Variants in TAOK3 observed in about 807,000 individuals in gnomAD.
TAOK3 encodes TAO kinase 3.
TAOK3 carries 40 observed loss-of-function variants against 120.4 expected under a neutral mutation model. That is an observed-to-expected ratio of 0.33 (90% CI 0.26 to 0.43). The LOEUF (loss-of-function observed/expected upper bound fraction) is 0.43, where lower values mean the gene tolerates loss of function less well. Among genes scored for constraint, TAOK3 ranks in the 20% least tolerant of loss-of-function variants. TAOK3 has a pLI of 1.00. For missense variants in TAOK3, 821 were observed against 1,112.1 expected (o/e 0.74, Z 3.72); for synonymous variants, 355 against 387.5 (o/e 0.92, Z 0.99).
chr12:118,293,646 C>A (rs559218408), intron 1 of TAOK3, among the ~76,000 whole-genome samples: 2 of 149,458 alleles, frequency 1.3e-5, no homozygotes, highest in Non-Finnish European at 1.5e-5. Context: ...TGCACTCCAG[C>A]CTGGGTGATA....
intron 1 of TAOK3, among the ~76,000 whole-genome samples, chr12:118,343,156 G>A (rs1017635698): frequency 2.0e-5 from 3 of 151,834 alleles, no homozygotes; most frequent in African/African-American, 4.8e-5. Flanking sequence ...GGCCAGGTGC[G>A]GTGGCTCATG....
chr12:118,326,280 ATT>A (rs1159930666), intron 1 of TAOK3, among the ~76,000 whole-genome samples: 1 of 151,976 alleles, frequency 6.6e-6, no homozygotes, highest in Non-Finnish European at 1.5e-5. Context: ...TCTCCAATGT[ATT>A]TTCTTGCCAC....
intron 13 of TAOK3, among the ~76,000 whole-genome samples, chr12:118,191,768 A>G (rs2037444530): frequency 1.3e-5 from 2 of 152,212 alleles, no homozygotes; most frequent in African/African-American, 4.8e-5. Context: ...ACATTACTGC[A>G]TATTTGCTAA....
chr12:118,348,643 G>T lies in TAOK3; in HGVS notation c.-194+24005C>A, dbSNP rs373938616. On this transcript the variant is annotated intron_variant, in intron 1 of 20. Coordinates refer to ENST00000392533, the MANE Select transcript of TAOK3 (RefSeq NM_016281.4). ...TTTTTTGTATTTTTAGTAGAGACAG[G>T]GTTTCACCATGTTAGCCAGAATGGT... is the stretch of plus-strand genomic sequence containing the variant. 2.6e-5 allele frequency among the ~76,000 whole-genome samples: 4 copies of T among 151,834 alleles called. No homozygotes were observed. In the East Asian group the frequency reaches 5.8e-4, roughly 22 times the overall value.
rs781342587 is a variant in TAOK3, at chr12:118,252,723, C to CTT, written c.120+2723_120+2724dup. On this transcript the variant is annotated intron_variant, in intron 3 of 20. Transcript: ENST00000392533. ...AGAAATTAGCACCCTTTTTTCTTTTCTTTTTTTTTTTTTTGAGACAGAGTC... is the reference window on the plus strand; with the variant it reads ...AGAAATTAGCACCCTTTTTTCTTTTCTTTTTTTTTTTTTTTTGAGACAGAGTC... Among the ~76,000 whole-genome samples the CTT allele has an allele frequency of 6.5e-3, 916 of 139,884 alleles. 9 individuals carry two copies. The highest frequency in any genetic ancestry group is 0.022 in the African/African-American group (852 of 38,276). The allele number at this position is 139,884 out of a possible 152,430, so 91.8% of individuals were successfully genotyped here. A position where few individuals can be genotyped will look rare whatever the true frequency, so the allele number is the denominator to read the frequency against.
chr12:118,372,333 A>C lies in TAOK3; in HGVS notation c.-194+315T>G, dbSNP rs2045925062. 2.4e-5 allele frequency among the ~76,000 whole-genome samples: 2 copies of C among 81,832 alleles called. No homozygotes were observed. Among genetic ancestry groups the C allele is most frequent in the Non-Finnish European group, 4.9e-5 (2 of 41,150 alleles). The allele number at this position is 81,832 out of a possible 152,430, so 53.7% of individuals were successfully genotyped here. A position where few individuals can be genotyped will look rare whatever the true frequency, so the allele number is the denominator to read the frequency against. On this transcript the variant is annotated intron_variant, in intron 1 of 20. Coordinates refer to ENST00000392533, the MANE Select transcript of TAOK3 (RefSeq NM_016281.4). This position sits in a 1 kb window ranked among gnomAD's most constrained non-coding sequence, Gnocchi z 4.6. ...CCTCATCCCCCTATCCTAGTGCCTC[A>C]TGAGGCACCCACCCCTCACCCCACT...
chr12:118,353,460 G>A (rs1227222243), intron 1 of TAOK3, among the ~76,000 whole-genome samples: 2 of 152,040 alleles, frequency 1.3e-5, no homozygotes, highest in African/African-American at 4.8e-5. Context: ...TGGATAAATA[G>A]TGTACAGGCA....
At chr12:118,285,762 C>T (rs559589384) in intron 1 of TAOK3, among the ~76,000 whole-genome samples, 2 of 152,190 alleles carry the variant, frequency 1.3e-5, no homozygotes, top group Non-Finnish European at 2.9e-5. Flanking sequence ...TGAGGACGTG[C>T]ACCCATGACA....
chr12:118,216,099 G>A (rs566252695), intron 9 of TAOK3, among the ~76,000 whole-genome samples: 2 of 152,250 alleles, frequency 1.3e-5, no homozygotes, highest in Admixed American at 1.3e-4. Context: ...TTGGGAGGTT[G>A]AGGCAGAAGA....
intron 16 of TAOK3, among the ~76,000 whole-genome samples, 170 bp from the exon 17 acceptor site, chr12:118,172,830 T>C (rs1372601504): frequency 6.7e-6 from 1 of 148,360 alleles, no homozygotes; most frequent in Non-Finnish European, 1.5e-5. Context: ...ATTAATTGAG[T>C]ATTAAGTGAG....
At chr12:118,164,214 C>A (rs2035425168) in intron 17 of TAOK3, among the ~76,000 whole-genome samples, 1 of 150,996 alleles carries the variant, frequency 6.6e-6, no homozygotes, top group African/African-American at 2.4e-5. Flanking sequence ...GTAGTCCCAG[C>A]TACTCGGAAG....
In TAOK3 at chr12:118,243,467, T is replaced by C; in HGVS notation, c.242A>G (p.His81Arg). The C allele has an allele frequency of 6.5e-7, 1 of 1,543,008 alleles. No homozygotes were observed. Among genetic ancestry groups the C allele is most frequent in the Non-Finnish European group, 8.7e-7 (1 of 1,153,830 alleles). The change falls in exon 5 of 21, where the codon CAT (histidine) becomes CGT (arginine). Residue 81 changes from histidine (H) to arginine (R), a missense_variant. Physicochemically the swap from His to Arg is conservative, Grantham distance 29 (BLOSUM62 0). Around this residue, in one of 2 missense-constraint regions of TAOK3, gnomAD observed 467 missense variants for 540.0 expected, o/e 0.86. Transcript: ENST00000392533. ...KEVKFLRQLK[H>R]PNTIEYKGCY... The stretch of plus-strand genomic sequence containing the variant: ...GCCTTTGTACTCAATAGTATTAGGA[T>C]GCTTCAATTGTCGTAAAAATTTAAC...
At chr12:118,231,261 G>A (rs901283957) in intron 9 of TAOK3, among the ~76,000 whole-genome samples, 3 of 151,924 alleles carry the variant, frequency 2.0e-5, no homozygotes, top group African/African-American at 7.3e-5. Context: ...TAGGGCAGGG[G>A]TGGAAGAAGA....
chr12:118,331,407 G>A (rs1391024131), intron 1 of TAOK3, among the ~76,000 whole-genome samples: 1 of 152,112 alleles, frequency 6.6e-6, no homozygotes, highest in Non-Finnish European at 1.5e-5. Context: ...CACTTTGGGA[G>A]GCCGAGGTAG....
chr12:118,305,097 T>G (rs2043002307), intron 1 of TAOK3, among the ~76,000 whole-genome samples: 1 of 152,288 alleles, frequency 6.6e-6, no homozygotes, highest in Admixed American at 6.5e-5. Context: ...ATAATAAATA[T>G]ATCGAGCACA....
intron 1 of TAOK3, among the ~76,000 whole-genome samples, chr12:118,318,330 G>T (rs1444106661): frequency 6.6e-6 from 1 of 151,804 alleles, no homozygotes; most frequent in South Asian, 2.1e-4. Flanking sequence ...GCTAATTTTT[G>T]TATTTTTAGT....
chr12:118,316,201 C>T (rs559992285), intron 1 of TAOK3, among the ~76,000 whole-genome samples: 1 of 152,136 alleles, frequency 6.6e-6, no homozygotes, highest in Non-Finnish European at 1.5e-5. Context: ...GAAAAGGAAT[C>T]TAAAAAATGG....
At chr12:118,215,068 A>G (rs995587631) in intron 9 of TAOK3, among the ~76,000 whole-genome samples, 6 of 150,136 alleles carry the variant, frequency 4.0e-5, no homozygotes, top group Non-Finnish European at 8.9e-5. Context: ...TTTAGTAGAG[A>G]GGGGGTTTCC....
intron 9 of TAOK3, among the ~76,000 whole-genome samples, chr12:118,225,405 A>C (rs1350650701): frequency 6.6e-6 from 1 of 152,042 alleles, no homozygotes; most frequent in Non-Finnish European, 1.5e-5. Context: ...AAAAAAAAAA[A>C]AAATACCCTT....
Sources: allele counts gnomAD v4.1 joint callset (sites outside exome capture counted in the v4.1 genomes callset), GRCh38; gene constraint gnomAD v4.1.1; regional missense constraint gnomAD v4.1.1; non-coding constraint Gnocchi (gnomAD v3.1); transcripts MANE v1.5; gene names NCBI Gene and HGNC (gene_info 2026-07-23, HGNC 2026-07-21).